The following CD247 variants were observed in gnomAD, a reference collection of about 807,000 sequenced individuals.
CD247 encodes T-cell surface glycoprotein CD3 zeta chain.
CD247 carries 13 observed loss-of-function variants against 30.0 expected under a neutral mutation model. The ratio of observed to expected loss-of-function variants is 0.43; its 90% CI spans 0.28 to 0.69. The LOEUF is 0.69. CD247 is among the 30% of genes least tolerant of loss of function. CD247 has a pLI of 0.16. For missense variants in CD247, 193 were observed against 212.6 expected (o/e 0.91, Z 0.57); for synonymous variants, 72 against 80.0 (o/e 0.90, Z 0.53).
At chr1:167,439,678 C>T in intron 2 of CD247, 1 of 517,726 alleles carries the variant, frequency 1.9e-6, no homozygotes. Flanking sequence ...AGCGCCCTCG[C>T]GCGTGCGCAG....
rs1313189071 is a variant in CD247 at position 167,430,731 on chromosome 1, G to A, written c.*950C>T. ...CAGTAGAAAAAAAGCAGAGTAGAGA[G>A]CGTTTTCCATCCATGGCCTGTGCCC... On this transcript the variant is annotated 3_prime_UTR_variant, in exon 8 of 8. Coordinates refer to ENST00000362089, the MANE Select transcript of CD247 (RefSeq NM_198053.3). 2.5e-6 allele frequency: 1 copy of A among 398,586 alleles called. No homozygotes were observed. Among genetic ancestry groups the A allele is most frequent in the Non-Finnish European group, 4.4e-6 (1 of 226,094 alleles). The allele number at this position is 398,586 out of a possible 1,614,324, so 24.7% of individuals were successfully genotyped here.
At chr1:167,462,654 GC>G (rs1367325268) in intron 1 of CD247, among the ~76,000 whole-genome samples, 5 of 152,178 alleles carry the variant, frequency 3.3e-5, no homozygotes, top group Non-Finnish European at 7.4e-5. Flanking sequence ...CAGGGTTCCC[GC>G]CGCTGGGCCA....
rs553739705 is a variant in CD247, at chr1:167,492,505, G to C, written c.58+25903C>G. Among the ~76,000 whole-genome samples the C allele has an allele frequency of 2.0e-5, 3 of 152,298 alleles. No individual in the cohort carries two copies. In the South Asian group the frequency reaches 6.2e-4, roughly 32 times the overall value. On this transcript the variant is annotated intron_variant, in intron 1 of 7. Coordinates refer to ENST00000362089, the MANE Select transcript of CD247 (RefSeq NM_198053.3). ...CTTATGTGTGCACAAAGGAAAAAAA[G>C]AAGAAAGAAAGAAAACAACAGTCTG...
chr1:167,491,311 G>A (rs1400890239), intron 1 of CD247, among the ~76,000 whole-genome samples: 1 of 152,224 alleles, frequency 6.6e-6, no homozygotes, highest in Admixed American at 6.5e-5. Context: ...GCTCATGCCT[G>A]TAATCCCAGC....
rs1216369215 is a variant in CD247 at position 167,431,145 on chromosome 1, C to T, written c.*536G>A. ...CCATGCCCCTGCAGCTCCCTGGTTG[C>T]ACCTGGCCTAGGCTCCTTTCCATCT... On this transcript the variant is annotated 3_prime_UTR_variant, in exon 8 of 8. Transcript: ENST00000362089. 2.4e-6 allele frequency: 1 copy of T among 424,940 alleles called. No homozygotes were observed. The highest frequency in any genetic ancestry group is 4.2e-6 in the Non-Finnish European group (1 of 240,498). The allele number at this position is 424,940 out of a possible 1,614,324, so 26.3% of individuals were successfully genotyped here.
chr1:167,506,829 A>T (rs1424450876), intron 1 of CD247, among the ~76,000 whole-genome samples: 1 of 149,888 alleles, frequency 6.7e-6, no homozygotes, highest in Non-Finnish European at 1.5e-5. Flanking sequence ...TTTAGATTGC[A>T]TTTTTTTCAA....
rs1489135959 is a variant in CD247 at position 167,494,033 on chromosome 1, G to A, written c.58+24375C>T. The stretch of plus-strand genomic sequence containing the variant: ...AGGACTTTCTTCTCAGGGCTCTGCT[G>A]AGTTGGGTGGGGGAGGCTGGAGGCT... On this transcript the variant is annotated intron_variant, in intron 1 of 7. Coordinates refer to ENST00000362089, the MANE Select transcript of CD247 (RefSeq NM_198053.3). This position sits in a 1 kb window ranked among gnomAD's most constrained non-coding sequence, Gnocchi z 7.3. Among the ~76,000 whole-genome samples the A allele has an allele frequency of 6.6e-6, 1 of 151,872 alleles. No individual in the cohort carries two copies. Among genetic ancestry groups the A allele is most frequent in the African/African-American group, 2.4e-5 (1 of 41,154 alleles).
At chr1:167,499,219 G>A (rs1267255503) in intron 1 of CD247, among the ~76,000 whole-genome samples, 1 of 152,178 alleles carries the variant, frequency 6.6e-6, no homozygotes, top group East Asian at 1.9e-4. Context: ...GTCATCTAGT[G>A]GGTAGAGGTC....
Position 167,508,092 on chromosome 1 carries a change from G to A in CD247, c.58+10316C>T, listed in dbSNP as rs146938683. ...AATGGCTTCCAAAATCTTACCCTCC[G>A]TGTCCTCCCCACCAGCCCCTTTGGA... is the stretch of plus-strand genomic sequence containing the variant. On this transcript the variant is annotated intron_variant, in intron 1 of 7. Coordinates refer to ENST00000362089, the MANE Select transcript of CD247 (RefSeq NM_198053.3). 1.3e-3 allele frequency among the ~76,000 whole-genome samples: 203 copies of A among 152,138 alleles called. 2 individuals carry two copies. The highest frequency in any genetic ancestry group is 4.2e-3 in the African/African-American group (176 of 41,508).
At chr1:167,447,993 T>C (rs888543607) in intron 1 of CD247, among the ~76,000 whole-genome samples, 1 of 151,794 alleles carries the variant, frequency 6.6e-6, no homozygotes, top group Non-Finnish European at 1.5e-5. Flanking sequence ...GTGTCTGTGT[T>C]GGGCAGGGTG....
At chr1:167,515,029 T>C (rs1655541274) in intron 1 of CD247, among the ~76,000 whole-genome samples, 1 of 152,154 alleles carries the variant, frequency 6.6e-6, no homozygotes, top group Admixed American at 6.5e-5. Context: ...CCAGGACCGT[T>C]TCTGGGGGAT....
intron 7 of CD247, among the ~76,000 whole-genome samples, chr1:167,432,073 G>A (rs1557990440): frequency 1.3e-5 from 2 of 150,416 alleles, no homozygotes; most frequent in Non-Finnish European, 3.0e-5. Context: ...AGAGAAAGGA[G>A]TCTCCCACCT....
rs200921296 is a variant in CD247, at chr1:167,438,684, G to T, written c.220-34C>A. Reference sequence around the variant, plus strand: ...GATAAGAAAGTGTCAGACACAGGACGGAGGAACCTCAGAAGGATGGAGCCA... The same window carrying T: ...GATAAGAAAGTGTCAGACACAGGACTGAGGAACCTCAGAAGGATGGAGCCA... On this transcript the variant is annotated intron_variant, in intron 3 of 7. Coordinates refer to ENST00000362089, the MANE Select transcript of CD247 (RefSeq NM_198053.3). 1.7e-5 allele frequency: 26 copies of T among 1,543,300 alleles called. No homozygotes were observed. In the East Asian group the frequency reaches 5.6e-4, roughly 33 times the overall value.
rs1338750230 is a variant in CD247, at chr1:167,494,804, A to G, written c.58+23604T>C. Among the ~76,000 whole-genome samples, 2 of 152,204 alleles carry G rather than the reference A, an allele frequency of 1.3e-5. No homozygotes were observed. Among genetic ancestry groups the G allele is most frequent in the Admixed American group, 1.3e-4 (2 of 15,286 alleles). ...AAAACCAAGCATGAGAGGCAAGACA[A>G]TTATTACCTCAGATCACATACGCCT... On this transcript the variant is annotated intron_variant, in intron 1 of 7. Transcript: ENST00000362089. The surrounding 1 kb of genome is among the most constrained non-coding windows in gnomAD (Gnocchi z 7.3).
At chr1:167,509,339 A>C (rs1442149718) in intron 1 of CD247, among the ~76,000 whole-genome samples, 1 of 148,124 alleles carries the variant, frequency 6.8e-6, no homozygotes, top group Non-Finnish European at 1.5e-5. Flanking sequence ...ACTCCAGCCT[A>C]GTCAACAAGA....
At chr1:167,456,992 T>C (rs1652708095) in intron 1 of CD247, among the ~76,000 whole-genome samples, 1 of 152,268 alleles carries the variant, frequency 6.6e-6, no homozygotes, top group Non-Finnish European at 1.5e-5. Context: ...GGAATTTCTT[T>C]GTCTCTTTCC....
intron 1 of CD247, among the ~76,000 whole-genome samples, chr1:167,505,651 A>G (rs1468426008): frequency 6.6e-6 from 1 of 152,274 alleles, no homozygotes; most frequent in Non-Finnish European, 1.5e-5. Flanking sequence ...CAAAAAATCT[A>G]ACAACAATGG....
At chr1:167,477,601 C>T (rs940464223) in intron 1 of CD247, among the ~76,000 whole-genome samples, 1 of 152,232 alleles carries the variant, frequency 6.6e-6, no homozygotes, top group Non-Finnish European at 1.5e-5. Flanking sequence ...CAGATCGTAG[C>T]TCACTGCAGC....
chr1:167,495,045 G>A (rs191987667), intron 1 of CD247, among the ~76,000 whole-genome samples: 1 of 152,210 alleles, frequency 6.6e-6, no homozygotes, highest in Non-Finnish European at 1.5e-5. Flanking sequence ...TGGTGGCCCA[G>A]GTGGCTGCCT....
Sources: allele counts gnomAD v4.1 joint callset (sites outside exome capture counted in the v4.1 genomes callset), GRCh38; gene constraint gnomAD v4.1.1; non-coding constraint Gnocchi (gnomAD v3.1); transcripts MANE v1.5; gene names NCBI Gene and HGNC (gene_info 2026-07-23, HGNC 2026-07-21).